The following NTM variants were observed in gnomAD, a reference collection of about 807,000 sequenced individuals.
NTM encodes neurotrimin, also known as IgLON family member 2.
In NTM, 13 loss-of-function variants were observed where a neutral mutation model predicts 42.1. That is an observed-to-expected ratio of 0.31 (90% CI 0.20 to 0.49). The LOEUF (loss-of-function observed/expected upper bound fraction) is 0.49, where lower values mean the gene tolerates loss of function less well. NTM is among the 20% of genes least tolerant of loss of function. The pLI is 0.99. For missense variants in NTM, 373 were observed against 452.8 expected (o/e 0.82, Z 1.60); for synonymous variants, 187 against 179.2 (o/e 1.04, Z -0.35).
chr11:131,823,104 T>A (rs1188695065), intron 1 of NTM, among the ~76,000 whole-genome samples: 1 of 152,190 alleles, frequency 6.6e-6, no homozygotes, highest in Non-Finnish European at 1.5e-5. Context: ...GAAGCACGTC[T>A]ACGTTAGTGT....
At chr11:132,001,045 G>C (rs1158634443) in intron 2 of NTM, among the ~76,000 whole-genome samples, 1 of 152,184 alleles carries the variant, frequency 6.6e-6, no homozygotes, top group Non-Finnish European at 1.5e-5. Context: ...GGTGGGAAAG[G>C]TCTTGAGCAG....
At chr11:132,127,539 T>G (rs2066045840) in intron 2 of NTM, among the ~76,000 whole-genome samples, 1 of 152,200 alleles carries the variant, frequency 6.6e-6, no homozygotes, top group South Asian at 2.1e-4. Context: ...TTAATGACTT[T>G]CTATTTTGTT....
intron 1 of NTM, among the ~76,000 whole-genome samples, chr11:131,718,740 T>A (rs1478788780): frequency 6.6e-6 from 1 of 152,114 alleles, no homozygotes; most frequent in Admixed American, 6.5e-5. Context: ...AGCACTCTAA[T>A]GTTCTTGATC....
chr11:132,281,631 G>T (rs1330708221), intron 4 of NTM, among the ~76,000 whole-genome samples: 1 of 152,194 alleles, frequency 6.6e-6, no homozygotes, highest in Admixed American at 6.5e-5. Context: ...CCCAGAAATT[G>T]TCCTTGAAGC....
intron 2 of NTM, among the ~76,000 whole-genome samples, chr11:131,936,688 C>T (rs184351681): frequency 2.0e-4 from 30 of 152,264 alleles, no homozygotes; most frequent in African/African-American, 7.2e-4. Flanking sequence ...CACACACAAA[C>T]ACACACAAAC....
chr11:132,110,309 A>T (rs1255904099), intron 2 of NTM, among the ~76,000 whole-genome samples: 25 of 152,232 alleles, frequency 1.6e-4, no homozygotes, highest in Admixed American at 1.6e-3. Context: ...TCTTTCCATA[A>T]TTTTGGTTTT....
At chr11:131,711,928 A>G (rs2077183776) in intron 1 of NTM, among the ~76,000 whole-genome samples, 1 of 141,786 alleles carries the variant, frequency 7.1e-6, no homozygotes, top group African/African-American at 2.6e-5. Context: ...TGGGAATTGA[A>G]CAATGAGAAC....
chr11:131,865,564 A>G (rs938734906), intron 1 of NTM, among the ~76,000 whole-genome samples: 1 of 152,310 alleles, frequency 6.6e-6, no homozygotes, highest in South Asian at 2.1e-4. Flanking sequence ...TTCTTAGTAC[A>G]GTTGCATGCA....
chr11:131,852,994 C>T (rs1405942577), intron 1 of NTM, among the ~76,000 whole-genome samples: 1 of 151,732 alleles, frequency 6.6e-6, no homozygotes, highest in African/African-American at 2.4e-5. Flanking sequence ...ACGCATCCAT[C>T]CACCTACCAC....
chr11:132,329,820 C>T (rs2136424756), intron 7 of NTM, among the ~76,000 whole-genome samples: 1 of 152,336 alleles, frequency 6.6e-6, no homozygotes. Context: ...TTTGGTGTCT[C>T]AGGCTCCAAA....
intron 1 of NTM, among the ~76,000 whole-genome samples, chr11:131,655,884 T>C (rs2067122141): frequency 6.6e-6 from 1 of 152,192 alleles, no homozygotes; most frequent in African/African-American, 2.4e-5. Flanking sequence ...CTTTCTGAAG[T>C]GCTGGGACCA....
chr11:132,081,743 G>C (rs925159554), intron 2 of NTM, among the ~76,000 whole-genome samples: 1 of 150,130 alleles, frequency 6.7e-6, no homozygotes, highest in African/African-American at 2.4e-5. Flanking sequence ...AAAAAAGATA[G>C]AAGCCAGACT....
intron 2 of NTM, among the ~76,000 whole-genome samples, chr11:132,145,913 C>T (rs564423893): frequency 1.3e-5 from 2 of 152,168 alleles, no homozygotes; most frequent in Non-Finnish European, 2.9e-5. Flanking sequence ...ACTTAGTGCA[C>T]CCTAAACAGC....
chr11:132,082,072 A>C (rs1470963308), intron 2 of NTM, among the ~76,000 whole-genome samples: 13 of 146,702 alleles, frequency 8.9e-5, no homozygotes, highest in South Asian at 2.1e-4. Context: ...AAAAAAAAAA[A>C]CCCTTCATTT....
At chr11:132,210,846 G>T (rs908227938) in intron 3 of NTM, among the ~76,000 whole-genome samples, 5 of 152,174 alleles carry the variant, frequency 3.3e-5, no homozygotes, top group South Asian at 4.1e-4. Context: ...GCTTCAGAAG[G>T]TTCCAAAATA....
intron 1 of NTM, among the ~76,000 whole-genome samples, chr11:131,551,729 T>G (rs1415373509): frequency 6.6e-6 from 1 of 152,192 alleles, no homozygotes; most frequent in Non-Finnish European, 1.5e-5. Flanking sequence ...ACACATGTTT[T>G]TGTGGAGAAT....
chr11:132,115,185 A>G (rs116520354), intron 2 of NTM, among the ~76,000 whole-genome samples: 1,640 of 152,256 alleles, frequency 0.011, 26 homozygotes, highest in African/African-American at 0.038. Context: ...GAACGGGTAC[A>G]AAGTTTCAGT....
chr11:131,382,676 A>G (rs1942832716), intron 1 of NTM, among the ~76,000 whole-genome samples: 1 of 152,142 alleles, frequency 6.6e-6, no homozygotes, highest in Non-Finnish European at 1.5e-5. Context: ...TACTTATCTT[A>G]TCGTGGCATC....
chr11:131,436,843 T>C (rs1384785183), intron 1 of NTM, among the ~76,000 whole-genome samples: 2 of 152,176 alleles, frequency 1.3e-5, no homozygotes, highest in East Asian at 3.9e-4. Context: ...ATTTGTTTGC[T>C]CTCGCTTCTC....
Sources: gnomAD v4.1 joint callset for allele counts (sites outside exome capture counted in the v4.1 genomes callset) on GRCh38, gnomAD v4.1.1 for gene constraint, MANE v1.5 for transcripts, NCBI Gene and HGNC (gene_info 2026-07-23, HGNC 2026-07-21) for gene names.